The following TXNDC5 variants were observed in gnomAD, a reference collection of about 807,000 sequenced individuals.
The protein encoded by TXNDC5 is thioredoxin domain-containing protein 5.
In TXNDC5, 44 loss-of-function variants were observed where a neutral mutation model predicts 52.6. That is an observed-to-expected ratio of 0.84 (90% CI 0.66 to 1.08). The LOEUF is 1.08. TXNDC5 is among the 50% of genes least tolerant of loss of function. The probability of loss-of-function intolerance (pLI) is 0.00; values close to 1 mark genes in which losing one functional copy is unlikely to be tolerated. For synonymous variants in TXNDC5, 241 were observed against 234.4 expected, an observed-to-expected ratio of 1.03 and a Z score of -0.26; for missense variants, 600 against 565.5, an observed-to-expected ratio of 1.06 and a Z score of -0.62.
intron 5 of TXNDC5, among the ~76,000 whole-genome samples, chr6:7,890,467 C>G (rs1230692257): frequency 6.6e-6 from 1 of 152,118 alleles, no homozygotes; most frequent in African/African-American, 2.4e-5. Context: ...AGCGTGGTCA[C>G]CTGGGCTTGT....
intron 1 of TXNDC5, 28 bp from the exon 2 acceptor site, chr6:7,904,751 T>C (rs557783506): frequency 4.5e-5 from 73 of 1,614,000 alleles, no homozygotes; most frequent in African/African-American, 2.9e-4. Context: ...TACAAGCACA[T>C]TGAGTATCAG....
At chr6:7,891,936 T>C (rs948694748) in intron 4 of TXNDC5, among the ~76,000 whole-genome samples, 200 bp from the exon 5 acceptor site, 2 of 152,206 alleles carry the variant, frequency 1.3e-5, no homozygotes, top group Admixed American at 6.5e-5. Context: ...AAAACCAAAT[T>C]TGTCATCTTT....
At chr6:7,886,123 G>A (rs193206686) in intron 7 of TXNDC5, 80 bp from the exon 8 acceptor site, 32 of 1,258,298 alleles carry the variant, frequency 2.5e-5, no homozygotes, top group Middle Eastern at 3.8e-4. Flanking sequence ...GCAGATACAC[G>A]AATCAGTAAT....
Position 7,910,515 on chromosome 6 carries a change from AG to A in TXNDC5, c.261del (p.Trp88GlyfsTer52). ...GGGCGCCGGCCTGCGCGGCGTTACC[AG>A]GGCGCGAAGAACATGACGAAGTGCG... ...SAAHFVMFFAPWCGHCQRLQP... is the reference protein window; with the variant it reads ...SAAHFVMFFAXWCGHCQRLQP... On this transcript the variant is annotated frameshift_variant and splice_region_variant, in exon 1 of 10. Transcript: ENST00000379757. LOFTEE classifies it high-confidence loss of function. 7.0e-7 allele frequency: 1 copy of A among 1,436,056 alleles called. No homozygotes were observed. The highest frequency in any genetic ancestry group is 9.2e-7 in the Non-Finnish European group (1 of 1,082,968). The allele number at this position is 1,436,056 out of a possible 1,614,324, so 89.0% of individuals were successfully genotyped here. A position where few individuals can be genotyped will look rare whatever the true frequency, so the allele number is the denominator to read the frequency against.
In TXNDC5 at chr6:7,884,356, C is replaced by T; in HGVS notation, c.1176+3G>A. On this transcript the variant is annotated splice_donor_region_variant and intron_variant, in intron 9 of 9. Coordinates refer to ENST00000379757, the MANE Select transcript of TXNDC5 (RefSeq NM_030810.5). ...TCCCATAAGCATCCATCCAAGTACC[C>T]ACCGAATACTTGCTGCAGATATTCC... 6.2e-7 allele frequency: 1 copy of T among 1,614,044 alleles called. No individual in the cohort carries two copies. Among genetic ancestry groups the T allele is most frequent in the East Asian group, 2.2e-5 (1 of 44,882 alleles).
chr6:7,884,750 G>A (rs766209216), intron 8 of TXNDC5, among the ~76,000 whole-genome samples: 1 of 152,212 alleles, frequency 6.6e-6, no homozygotes, highest in Non-Finnish European at 1.5e-5. Context: ...TTGAGATTCT[G>A]AGACCATTTC....
intron 9 of TXNDC5, among the ~76,000 whole-genome samples, chr6:7,884,005 A>G (rs1759862940): frequency 6.6e-6 from 1 of 151,950 alleles, no homozygotes; most frequent in South Asian, 2.1e-4. Flanking sequence ...AAAATGAGCG[A>G]CTCGGGTATT....
chr6:7,902,437 T>C (rs1760600448), intron 2 of TXNDC5, among the ~76,000 whole-genome samples: 1 of 152,174 alleles, frequency 6.6e-6, no homozygotes, highest in Non-Finnish European at 1.5e-5. Context: ...TCCAATCCTT[T>C]ACTCCAGTTA....
chr6:7,902,516 C>T (rs1044762961), intron 2 of TXNDC5, among the ~76,000 whole-genome samples: 2 of 152,158 alleles, frequency 1.3e-5, no homozygotes, highest in Non-Finnish European at 2.9e-5. Context: ...CAGGTACAGT[C>T]GTCACCTGCC....
intron 1 of TXNDC5, among the ~76,000 whole-genome samples, 162 bp downstream of exon 1, chr6:7,910,352 C>G (rs1399874883): frequency 6.6e-6 from 1 of 150,710 alleles, no homozygotes; most frequent in Non-Finnish European, 1.5e-5. Flanking sequence ...GTATTACACC[C>G]CGCACCCCTG....
intron 9 of TXNDC5, among the ~76,000 whole-genome samples, chr6:7,883,778 T>G (rs1361437262): frequency 6.6e-6 from 1 of 152,160 alleles, no homozygotes; most frequent in Admixed American, 6.5e-5. Context: ...TTACGTCTAT[T>G]CTCCATCTAA....
At chr6:7,890,476 G>A (rs969971611) in intron 5 of TXNDC5, among the ~76,000 whole-genome samples, 2 of 152,150 alleles carry the variant, frequency 1.3e-5, no homozygotes, top group African/African-American at 2.4e-5. Context: ...ACCTGGGCTT[G>A]TGTCTGCTCA....
At chr6:7,908,224 A>C (rs1171629661) in intron 1 of TXNDC5, among the ~76,000 whole-genome samples, 2 of 149,192 alleles carry the variant, frequency 1.3e-5, no homozygotes. Context: ...TGGAGGTTGC[A>C]GTAAATCAAG....
chr6:7,905,346 A>AGG (rs1760698432), intron 1 of TXNDC5, among the ~76,000 whole-genome samples: 3 of 152,062 alleles, frequency 2.0e-5, no homozygotes, highest in Non-Finnish European at 4.4e-5. Context: ...CCACTATATA[A>AGG]CCAAATGGCT....
At chr6:7,889,131 G>A (rs546074555) in intron 6 of TXNDC5, 9 of 469,060 alleles carry the variant, frequency 1.9e-5, no homozygotes, top group African/African-American at 1.2e-4. Flanking sequence ...GGGGAACTCT[G>A]AGCTGCTGAC....
chr6:7,896,893 G>A (rs1760387557), intron 3 of TXNDC5, among the ~76,000 whole-genome samples: 1 of 152,140 alleles, frequency 6.6e-6, no homozygotes, highest in East Asian at 1.9e-4. Flanking sequence ...AGCATAAGCT[G>A]ATATGGTGCT....
rs141324484 is a variant in TXNDC5 at position 7,899,588 on chromosome 6, G to C, written c.507C>G (p.Asn169Lys). 18 of 1,613,500 alleles carry C rather than the reference G, an allele frequency of 1.1e-5. No homozygotes were observed. In the African/African-American group the frequency reaches 2.1e-4, roughly 19 times the overall value. ...GGTAGACACTCACCACTGGCTCCTC[G>C]TTCAGTGTCTGCAGCATCCAGTTTT... ...TLENWMLQTL[N>K]EEPVTPEPEV... The change falls in exon 3 of 10, where the codon AAC becomes AAG. Residue 169 changes from asparagine (N) to lysine (K), a missense_variant. Transcript: ENST00000379757.
At chr6:7,883,380 T>C in intron 9 of TXNDC5, 114 bp from the exon 10 acceptor site, 1 of 1,488,140 alleles carries the variant, frequency 6.7e-7, no homozygotes, top group Admixed American at 1.9e-5. Flanking sequence ...ATTCTGTGGC[T>C]AATTTTTAAA....
At chr6:7,884,184 G>A (rs185800325) in intron 9 of TXNDC5, among the ~76,000 whole-genome samples, 175 bp downstream of exon 9, 123 of 152,252 alleles carry the variant, frequency 8.1e-4, no homozygotes, top group African/African-American at 2.8e-3. Flanking sequence ...GAAGAAGAAT[G>A]CCTTCCCTTT....
Sources: allele counts gnomAD v4.1 joint callset (sites outside exome capture counted in the v4.1 genomes callset), GRCh38; gene constraint gnomAD v4.1.1; transcripts MANE v1.5; gene names NCBI Gene and HGNC (gene_info 2026-07-23, HGNC 2026-07-21).